The following FBLIM1 variants were observed in gnomAD, a reference collection of about 807,000 sequenced individuals.
FBLIM1 encodes filamin binding LIM protein 1, also known as filamin-binding LIM protein 1.
Under a neutral mutation model 37.4 loss-of-function variants are expected in FBLIM1, and 29 were observed. The ratio of observed to expected loss-of-function variants is 0.77; its 90% CI spans 0.58 to 1.06. The LOEUF (loss-of-function observed/expected upper bound fraction) is 1.06. FBLIM1 is among the 50% of genes least tolerant of loss of function. The probability of loss-of-function intolerance (pLI) is 0.00; values close to 1 mark genes in which losing one functional copy is unlikely to be tolerated. For missense variants in FBLIM1, 449 were observed against 505.6 expected (o/e 0.89, Z 1.07); for synonymous variants, 193 against 199.0 (o/e 0.97, Z 0.25).
chr1:15,785,635 C>CAA lies in FBLIM1; in HGVS notation c.*983_*984dup. On this transcript the variant is annotated 3_prime_UTR_variant, in exon 9 of 9. Transcript: ENST00000375766. ...GGGAGACACAGCGAGACTCTGTCTC[C>CAA]AAAAAAAAAAGTGCTTTTTGAAAAT... 6.8e-6 allele frequency: 1 copy of CAA among 146,138 alleles called. No homozygotes were observed. The highest frequency in any genetic ancestry group is 1.5e-5 in the Non-Finnish European group (1 of 66,010). The allele number at this position is 146,138 out of a possible 1,614,324, so 9.1% of individuals were successfully genotyped here.
intron 1 of FBLIM1, among the ~76,000 whole-genome samples, chr1:15,763,226 C>T (rs1255484704): frequency 4.0e-5 from 6 of 151,780 alleles, no homozygotes; most frequent in Non-Finnish European, 4.4e-5. Flanking sequence ...CCCGCCAGCA[C>T]ACCCAGCTAA....
intron 8 of FBLIM1, among the ~76,000 whole-genome samples, chr1:15,782,957 G>A (rs1466491857): frequency 1.3e-5 from 2 of 151,886 alleles, no homozygotes; most frequent in Non-Finnish European, 2.9e-5. Context: ...CACCACGCCC[G>A]GCTAATTTTT....
Position 15,767,373 on chromosome 1 carries a change from C to A in FBLIM1, c.251-3C>A. On this transcript the variant is annotated splice_region_variant and splice_polypyrimidine_tract_variant and intron_variant, in intron 3 of 8. Coordinates refer to ENST00000375766, the MANE Select transcript of FBLIM1 (RefSeq NM_017556.4). ...ACCAGCCCTCTCTCCTCCCCCATTG[C>A]AGGATGCCCACCCCCTCCTCCTGTC... The A allele has an allele frequency of 2.6e-6, 4 of 1,560,638 alleles. No homozygotes were observed. The highest frequency in any genetic ancestry group is 1.2e-5 in the South Asian group (1 of 85,822).
In FBLIM1 at chr1:15,774,120, G is replaced by A. The variant is rs116415616; in HGVS notation, c.712-498G>A. ...TGCACTCCAGCCTCAGTAACAGAGC[G>A]AGACTCTGTCCCAAAACAAAACAAG... On this transcript the variant is annotated intron_variant, in intron 6 of 8. Coordinates refer to ENST00000375766, the MANE Select transcript of FBLIM1 (RefSeq NM_017556.4). Among the ~76,000 whole-genome samples, 149 of 152,308 alleles carry A rather than the reference G, an allele frequency of 9.8e-4. 1 individual carries two copies. The highest frequency in any genetic ancestry group is 3.4e-3 in the African/African-American group (141 of 41,562).
intron 1 of FBLIM1, among the ~76,000 whole-genome samples, chr1:15,761,684 A>G (rs898920657): frequency 2.6e-5 from 4 of 152,214 alleles, no homozygotes; most frequent in African/African-American, 9.6e-5. Context: ...TAAGTTTTGA[A>G]GCTCTTTCCT....
At chr1:15,759,590 TG>T (rs1395157392) in intron 1 of FBLIM1, among the ~76,000 whole-genome samples, 2 of 152,218 alleles carry the variant, frequency 1.3e-5, no homozygotes, top group Non-Finnish European at 1.5e-5. Flanking sequence ...TCTCAGCTGC[TG>T]CCTAACCAGC....
intron 7 of FBLIM1, 130 bp from the exon 8 acceptor site, chr1:15,777,040 C>G: frequency 2.9e-6 from 2 of 695,818 alleles, no homozygotes; most frequent in Admixed American, 4.6e-5. Flanking sequence ...ACAGACATCT[C>G]TGCAGTCCCA....
In FBLIM1 at chr1:15,764,798, A is replaced by G. The variant is rs2068836509; in HGVS notation, c.-21+113A>G. 3.5e-6 allele frequency: 3 copies of G among 845,678 alleles called. No individual in the cohort carries two copies. In the East Asian group the frequency reaches 7.5e-5, roughly 21 times the overall value. The allele number at this position is 845,678 out of a possible 1,614,324, so 52.4% of individuals were successfully genotyped here. A position where few individuals can be genotyped will look rare whatever the true frequency, so the allele number is the denominator to read the frequency against. On this transcript the variant is annotated intron_variant, in intron 2 of 8. Coordinates refer to ENST00000375766, the MANE Select transcript of FBLIM1 (RefSeq NM_017556.4). ...CCTGGTGGGTCCTGTCTTCCCCAGC[A>G]GGACACCCCCACCCCTTCTCTGGCT... is the stretch of plus-strand genomic sequence containing the variant.
chr1:15,767,123 G>A (rs906663046), intron 3 of FBLIM1, among the ~76,000 whole-genome samples: 6 of 151,646 alleles, frequency 4.0e-5, no homozygotes, highest in African/African-American at 7.3e-5. Context: ...GAACTTCTGG[G>A]TTCAAGCGAA....
chr1:15,759,764 C>T (rs992279438), intron 1 of FBLIM1, among the ~76,000 whole-genome samples: 9 of 152,206 alleles, frequency 5.9e-5, no homozygotes, highest in Admixed American at 5.9e-4. Flanking sequence ...AGAAGTGGGG[C>T]CGCGTGTGAA....
In FBLIM1 at chr1:15,768,519, T is replaced by C. The variant is rs1390442584; in HGVS notation, c.439-9T>C. On this transcript the variant is annotated splice_polypyrimidine_tract_variant and intron_variant, in intron 4 of 8. Coordinates refer to ENST00000375766, the MANE Select transcript of FBLIM1 (RefSeq NM_017556.4). Reference sequence around the variant, plus strand: ...CCCACTGGATGACTCCCCGTCTGCATCCCCACAGGCCCCAGCGGAGGGACC... The same window carrying C: ...CCCACTGGATGACTCCCCGTCTGCACCCCCACAGGCCCCAGCGGAGGGACC... 2 of 1,546,404 alleles carry C rather than the reference T, an allele frequency of 1.3e-6. No homozygotes were observed. Among genetic ancestry groups the C allele is most frequent in the East Asian group, 2.3e-5 (1 of 43,032 alleles).
At chr1:15,764,764 G>A in intron 2 of FBLIM1, 79 bp downstream of exon 2, 1 of 652,806 alleles carries the variant, frequency 1.5e-6, no homozygotes, top group Non-Finnish European at 2.6e-6. Context: ...CACCCCTGTG[G>A]CCAAGTTCCC....
chr1:15,779,044 C>T (rs532441276), intron 8 of FBLIM1, among the ~76,000 whole-genome samples: 4 of 151,994 alleles, frequency 2.6e-5, no homozygotes, highest in Non-Finnish European at 4.4e-5. Context: ...AAGCAATTCT[C>T]CCTGCCTCAG....
chr1:15,777,953 G>A (rs924547765), intron 8 of FBLIM1, among the ~76,000 whole-genome samples: 2 of 152,122 alleles, frequency 1.3e-5, no homozygotes, highest in Non-Finnish European at 2.9e-5. Flanking sequence ...CTGTGGGGAG[G>A]TGGGGCACAG....
At chr1:15,776,898 A>G in intron 7 of FBLIM1, 1 of 335,378 alleles carries the variant, frequency 3.0e-6, no homozygotes, top group Admixed American at 4.7e-5. Context: ...AGTACTGAAA[A>G]AAAAACAAAA....
At chr1:15,772,412 G>A (rs2069262858) in intron 6 of FBLIM1, among the ~76,000 whole-genome samples, 1 of 152,174 alleles carries the variant, frequency 6.6e-6, no homozygotes, top group African/African-American at 2.4e-5. Context: ...AAGCAGCCAG[G>A]AGGAAGACTT....
At chr1:15,759,024 C>G (rs1189461615) in intron 1 of FBLIM1, among the ~76,000 whole-genome samples, 176 bp downstream of exon 1, 1 of 152,082 alleles carries the variant, frequency 6.6e-6, no homozygotes, top group Non-Finnish European at 1.5e-5. Context: ...CCTTTGCGTC[C>G]CAGTCTCTTG....
At chr1:15,761,236 G>A (rs12081206) in intron 1 of FBLIM1, among the ~76,000 whole-genome samples, 1 of 151,950 alleles carries the variant, frequency 6.6e-6, no homozygotes, top group South Asian at 2.1e-4. Flanking sequence ...TGTAGAGTGA[G>A]AACAGGCCTG....
chr1:15,781,718 G>GTT (rs71002929), intron 8 of FBLIM1, among the ~76,000 whole-genome samples: 19,368 of 111,286 alleles, frequency 0.17, 2,543 homozygotes, highest in South Asian at 0.29. Flanking sequence ...AGGTAGTATT[G>GTT]TTTTTTTTTT....
Sources: gnomAD v4.1 joint callset for allele counts (sites outside exome capture counted in the v4.1 genomes callset) on GRCh38, gnomAD v4.1.1 for gene constraint, MANE v1.5 for transcripts, NCBI Gene and HGNC (gene_info 2026-07-23, HGNC 2026-07-21) for gene names.